Variants in PPARGC1A observed in about 807,000 individuals in gnomAD.
PPARGC1A encodes peroxisome proliferator-activated receptor gamma coactivator 1-alpha.
In PPARGC1A, 25 loss-of-function variants were observed where a neutral mutation model predicts 88.7. The observed-to-expected ratio is 0.28, with a 90% CI of 0.21 to 0.39. The LOEUF (loss-of-function observed/expected upper bound fraction) is 0.39, where lower values mean the gene tolerates loss of function less well. PPARGC1A is among the 10% of genes least tolerant of loss of function. The pLI is 1.00. For synonymous variants in PPARGC1A, 363 were observed against 355.6 expected (o/e 1.02, Z -0.24); for missense variants, 880 against 968.7 (o/e 0.91, Z 1.22).
chr4:23,844,762 A>AT lies in PPARGC1A; in HGVS notation c.235-13012dup, dbSNP rs1560428742. On this transcript the variant is annotated intron_variant, in intron 2 of 12. Transcript: ENST00000264867. The stretch of plus-strand genomic sequence containing the variant: ...TATATCATAATATATGATATATATT[A>AT]TAATAATATATGATATATATTATAA... 6.6e-4 allele frequency among the ~76,000 whole-genome samples: 72 copies of AT among 109,886 alleles called. 4 individuals are homozygous for AT. The highest frequency in any genetic ancestry group is 2.7e-3 in the African/African-American group (63 of 23,184). The allele number at this position is 109,886 out of a possible 152,430, so 72.1% of individuals were successfully genotyped here. A position where few individuals can be genotyped will look rare whatever the true frequency, so the allele number is the denominator to read the frequency against.
the PPARGC1A span, among the ~76,000 whole-genome samples, chr4:24,197,565 G>A: frequency 3.3e-5 from 5 of 152,198 alleles, no homozygotes; most frequent in African/African-American, 7.2e-5. Context: ...GCTAGGCCCT[G>A]TTGCTCCTAA....
At chr4:24,417,913 C>T in the PPARGC1A span, among the ~76,000 whole-genome samples, 15 of 152,182 alleles carry the variant, frequency 9.9e-5, no homozygotes, top group Middle Eastern at 3.4e-3. Context: ...AGTTCAAAAA[C>T]ATACTTTTTA....
chr4:23,828,363 TG>T, intron 5 of PPARGC1A, 36 bp downstream of exon 5: 1 of 1,569,046 alleles, frequency 6.4e-7, no homozygotes, highest in Admixed American at 1.7e-5. Context: ...TTGCTTCCAG[TG>T]CCCTCACCAA....
the PPARGC1A span, among the ~76,000 whole-genome samples, chr4:24,219,723 T>C: frequency 1.3e-5 from 2 of 152,186 alleles, no homozygotes; most frequent in East Asian, 3.9e-4. Flanking sequence ...TTTGGATATT[T>C]GATGATCAGT....
chr4:24,388,033 A>G, the PPARGC1A span, among the ~76,000 whole-genome samples: 1 of 151,846 alleles, frequency 6.6e-6, no homozygotes, highest in Non-Finnish European at 1.5e-5. Context: ...GAAAGAAACT[A>G]TCATCAGAGT....
chr4:24,058,064 C>G, the PPARGC1A span, among the ~76,000 whole-genome samples: 1 of 152,180 alleles, frequency 6.6e-6, no homozygotes, highest in Non-Finnish European at 1.5e-5. Flanking sequence ...TTGAAACAGA[C>G]AGCGAACTCT....
the PPARGC1A span, among the ~76,000 whole-genome samples, chr4:24,024,701 C>T: frequency 1.2e-4 from 18 of 152,214 alleles, no homozygotes; most frequent in African/African-American, 3.4e-4. Context: ...AACAGGCCAG[C>T]CAGTGGTCAA....
the PPARGC1A span, among the ~76,000 whole-genome samples, chr4:24,297,486 T>C: frequency 9.2e-4 from 140 of 152,274 alleles, no homozygotes; most frequent in African/African-American, 3.2e-3. Flanking sequence ...CATGGGGACA[T>C]ATAACACTCC....
the PPARGC1A span, among the ~76,000 whole-genome samples, chr4:24,450,217 C>G: frequency 1.3e-5 from 2 of 152,164 alleles, no homozygotes; most frequent in South Asian, 4.1e-4. Context: ...TTCATATGTG[C>G]CACACCTGTC....
chr4:24,203,678 G>T, the PPARGC1A span, among the ~76,000 whole-genome samples: 32 of 152,376 alleles, frequency 2.1e-4, no homozygotes, highest in South Asian at 6.6e-3. Flanking sequence ...CCTTTTGCCT[G>T]CAGACTCGCA....
At chr4:23,833,537 T>C (rs1375780322) in intron 2 of PPARGC1A, among the ~76,000 whole-genome samples, 1 of 152,208 alleles carries the variant, frequency 6.6e-6, no homozygotes. Flanking sequence ...ACTTCCTTTC[T>C]CTCTAGCACT....
the PPARGC1A span, among the ~76,000 whole-genome samples, chr4:24,424,742 T>C: frequency 6.6e-6 from 1 of 152,210 alleles, no homozygotes; most frequent in African/African-American, 2.4e-5. Context: ...CTCTCATCAT[T>C]CAATATAGTT....
At chr4:24,407,865 TAG>T in the PPARGC1A span, among the ~76,000 whole-genome samples, 1 of 152,192 alleles carries the variant, frequency 6.6e-6, no homozygotes, top group Non-Finnish European at 1.5e-5. Flanking sequence ...AATGCAGATA[TAG>T]ATACATAAAT....
the PPARGC1A span, among the ~76,000 whole-genome samples, chr4:24,353,869 G>T: frequency 6.6e-6 from 1 of 152,196 alleles, no homozygotes; most frequent in Admixed American, 6.5e-5. Context: ...ACTAGGTTCA[G>T]AAATCCCTTT....
chr4:23,910,936 TC>T, the PPARGC1A span, among the ~76,000 whole-genome samples: 1 of 151,900 alleles, frequency 6.6e-6, no homozygotes, highest in Non-Finnish European at 1.5e-5. Flanking sequence ...ATTCATGCCC[TC>T]CCCTCCCCTC....
the PPARGC1A span, among the ~76,000 whole-genome samples, chr4:24,189,333 T>TGAGG: frequency 6.6e-6 from 1 of 152,126 alleles, no homozygotes; most frequent in Non-Finnish European, 1.5e-5. Context: ...ATAAAAAAAT[T>TGAGG]GAGGGAGGGA....
At chr4:24,241,789 A>G in the PPARGC1A span, among the ~76,000 whole-genome samples, 1 of 152,336 alleles carries the variant, frequency 6.6e-6, no homozygotes, top group East Asian at 1.9e-4. Flanking sequence ...GTGTTTTATA[A>G]ATAGTACTCT....
At chr4:24,392,772 T>G in the PPARGC1A span, among the ~76,000 whole-genome samples, 1 of 152,158 alleles carries the variant, frequency 6.6e-6, no homozygotes, top group East Asian at 1.9e-4. Flanking sequence ...ATCTTTGGAA[T>G]TCTGCACACT....
intron 2 of PPARGC1A, among the ~76,000 whole-genome samples, chr4:23,844,700 T>G (rs1423205552): frequency 1.0e-5 from 1 of 100,400 alleles, no homozygotes; most frequent in Non-Finnish European, 1.7e-5. Context: ...ATATATGATC[T>G]ATCATAATAT....
Sources: gnomAD v4.1 joint callset for allele counts (sites outside exome capture counted in the v4.1 genomes callset) on GRCh38, gnomAD v4.1.1 for gene constraint, MANE v1.5 for transcripts, NCBI Gene and HGNC (gene_info 2026-07-23, HGNC 2026-07-21) for gene names.